EVA1A: variants seen among roughly 807,000 people sequenced by gnomAD.
EVA1A encodes protein eva-1 homolog A.
EVA1A carries 7 observed loss-of-function variants against 9.8 expected under a neutral mutation model. That is an observed-to-expected ratio of 0.71 (90% confidence interval 0.41 to 1.34). EVA1A has a LOEUF of 1.34. Among genes scored for constraint, EVA1A ranks in the 40% most tolerant of loss-of-function variants. The pLI is 0.01. For missense variants in EVA1A, 206 were observed against 205.9 expected (o/e 1.00, Z 0.00); for synonymous variants, 90 against 85.6 (o/e 1.05, Z -0.28).
chr2:75,563,611 A>G (rs1676965931), upstream of EVA1A, among the ~76,000 whole-genome samples: 1 of 152,196 alleles, frequency 6.6e-6, no homozygotes, highest in East Asian at 1.9e-4. Flanking sequence ...TTGTTCTGTT[A>G]TTTTATAAAT....
intron 1 of EVA1A, among the ~76,000 whole-genome samples, chr2:75,545,846 G>A (rs752318140): frequency 3.3e-5 from 5 of 152,240 alleles, no homozygotes; most frequent in African/African-American, 9.6e-5. Flanking sequence ...TATAAGGATG[G>A]CAGAGGAAGG....
At chr2:75,529,175 T>A (rs1675559020) in intron 1 of EVA1A, among the ~76,000 whole-genome samples, 1 of 152,130 alleles carries the variant, frequency 6.6e-6, no homozygotes, top group Non-Finnish European at 1.5e-5. Flanking sequence ...AGCACGGTAG[T>A]TCAGCAAACC....
chr2:75,514,131 C>T (rs144722586), intron 3 of EVA1A, among the ~76,000 whole-genome samples: 13 of 152,130 alleles, frequency 8.5e-5, no homozygotes, highest in East Asian at 1.9e-4. Flanking sequence ...ATAAGGCAGG[C>T]GAAAACATGA....
At chr2:75,544,089 A>C (rs1457007562) in intron 1 of EVA1A, among the ~76,000 whole-genome samples, 2 of 152,236 alleles carry the variant, frequency 1.3e-5, no homozygotes, top group Non-Finnish European at 2.9e-5. Flanking sequence ...GCTTCAGAAT[A>C]AAGGTTCTCC....
At chr2:75,556,633 G>A (rs1011247776) in intron 1 of EVA1A, among the ~76,000 whole-genome samples, 1 of 152,206 alleles carries the variant, frequency 6.6e-6, no homozygotes, top group Non-Finnish European at 1.5e-5. Flanking sequence ...TCTGGTGTGG[G>A]AAAGGGAAGG....
At chr2:75,532,199 GT>G (rs1675687945) in intron 1 of EVA1A, among the ~76,000 whole-genome samples, 1 of 137,722 alleles carries the variant, frequency 7.3e-6, no homozygotes, top group African/African-American at 2.6e-5. Context: ...GCTTATCCAT[GT>G]AATTAAACAG....
chr2:75,540,276 T>C (rs1676063653), intron 1 of EVA1A, among the ~76,000 whole-genome samples: 2 of 152,242 alleles, frequency 1.3e-5, no homozygotes, highest in African/African-American at 4.8e-5. Context: ...ATGGCAATTA[T>C]TATTTTTCAG....
Position 75,495,999 on chromosome 2 carries a change from A to G in EVA1A, c.86-2390T>C, listed in dbSNP as rs118029179. On this transcript the variant is annotated intron_variant, in intron 3 of 3. Transcript: ENST00000393913. ...GGCCCAGGCAAACAAACCCAAGTCTATCCAGTTTCAAAGCCTATTCCCTTC... is the reference window on the plus strand; with the variant it reads ...GGCCCAGGCAAACAAACCCAAGTCTGTCCAGTTTCAAAGCCTATTCCCTTC... Among the ~76,000 whole-genome samples the G allele has an allele frequency of 1.1e-3, 160 of 152,298 alleles. 3 individuals are homozygous for G. The East Asian group carries it at 0.019, about 18-fold the overall frequency.
chr2:75,520,940 T>C (rs1429035226), intron 2 of EVA1A, among the ~76,000 whole-genome samples: 2 of 152,278 alleles, frequency 1.3e-5, no homozygotes, highest in South Asian at 2.1e-4. Context: ...GCAAATAATA[T>C]ATCTGATAAA....
chr2:75,565,517 C>T (rs1677009683), upstream of EVA1A, among the ~76,000 whole-genome samples: 1 of 152,280 alleles, frequency 6.6e-6, no homozygotes, highest in East Asian at 1.9e-4. Context: ...CTGAAATCAT[C>T]CTCATGTGGT....
intron 2 of EVA1A, among the ~76,000 whole-genome samples, chr2:75,520,045 T>A (rs556841078): frequency 3.3e-5 from 5 of 152,276 alleles, no homozygotes; most frequent in Non-Finnish European, 5.9e-5. Context: ...ACATCCACTT[T>A]CACAATATCT....
chr2:75,541,499 A>T (rs1400461995), intron 1 of EVA1A, among the ~76,000 whole-genome samples: 2 of 152,182 alleles, frequency 1.3e-5, no homozygotes, highest in African/African-American at 4.8e-5. Context: ...CTATGCCCTC[A>T]TGGGGTCAGG....
intron 1 of EVA1A, among the ~76,000 whole-genome samples, chr2:75,560,415 T>A (rs966093606): frequency 6.6e-6 from 1 of 152,044 alleles, no homozygotes; most frequent in African/African-American, 2.4e-5. Context: ...AGTTGAGAGT[T>A]GTTCTATCCA....
upstream of EVA1A, among the ~76,000 whole-genome samples, chr2:75,565,302 A>G (rs926379443): frequency 6.6e-6 from 1 of 152,160 alleles, no homozygotes; most frequent in African/African-American, 2.4e-5. Flanking sequence ...CTTTCCAGAT[A>G]ATTACAATGT....
At chr2:75,541,128 G>A (rs796086324) in intron 1 of EVA1A, among the ~76,000 whole-genome samples, 5 of 152,356 alleles carry the variant, frequency 3.3e-5, no homozygotes, top group African/African-American at 1.2e-4. Flanking sequence ...GACAACACAG[G>A]CATGGGGATG....
intron 1 of EVA1A, among the ~76,000 whole-genome samples, chr2:75,555,825 A>G (rs188626082): frequency 4.9e-4 from 74 of 152,186 alleles, no homozygotes; most frequent in African/African-American, 1.6e-3. Flanking sequence ...CTTGACTCTT[A>G]CACATGCTGT....
At chr2:75,503,769 G>A (rs796806304) in intron 3 of EVA1A, among the ~76,000 whole-genome samples, 7 of 152,328 alleles carry the variant, frequency 4.6e-5, no homozygotes, top group African/African-American at 1.7e-4. Context: ...TGGGAAAGGT[G>A]AGTGGAGGGT....
At chr2:75,517,502 A>G (rs1369258573) in intron 3 of EVA1A, among the ~76,000 whole-genome samples, 2 of 152,206 alleles carry the variant, frequency 1.3e-5, no homozygotes, top group Non-Finnish European at 1.5e-5. Flanking sequence ...TTGAGGAGAA[A>G]ATCAGCCATC....
intron 3 of EVA1A, among the ~76,000 whole-genome samples, 154 bp from the exon 4 acceptor site, chr2:75,493,763 A>G (rs536206268): frequency 6.6e-6 from 1 of 152,370 alleles, no homozygotes; most frequent in East Asian, 1.9e-4. Context: ...TAATGTATTC[A>G]AAATATAATT....
Sources: allele counts gnomAD v4.1 joint callset (sites outside exome capture counted in the v4.1 genomes callset), GRCh38; gene constraint gnomAD v4.1.1; transcripts MANE v1.5; gene names NCBI Gene and HGNC (gene_info 2026-07-23, HGNC 2026-07-21).